Variants in EPHA3 observed in about 807,000 individuals in gnomAD.
EPHA3 encodes the protein EPH receptor A3.
In EPHA3, 42 loss-of-function variants were observed where a neutral mutation model predicts 107.1. That is an observed-to-expected ratio of 0.39 (90% CI 0.31 to 0.51). EPHA3 has a LOEUF of 0.51. Ranked by LOEUF, EPHA3 falls within the 20% of genes least tolerant of loss-of-function variation. EPHA3 has a pLI of 0.78. For synonymous variants in EPHA3, 461 were observed against 424.8 expected (o/e 1.09, Z -1.05); for missense variants, 1,183 against 1,211.2 (o/e 0.98, Z 0.35).
At chr3:89,121,881 A>C (rs1009219030) in intron 1 of EPHA3, among the ~76,000 whole-genome samples, 2 of 152,234 alleles carry the variant, frequency 1.3e-5, no homozygotes, top group Non-Finnish European at 2.9e-5. Context: ...ATATAAGTAC[A>C]TCAAAAATCT....
chr3:89,125,767 T>C (rs745760519), intron 1 of EPHA3, among the ~76,000 whole-genome samples: 1 of 151,854 alleles, frequency 6.6e-6, no homozygotes, highest in East Asian at 1.9e-4. Flanking sequence ...TTTTAAATTG[T>C]AGTGATCAAG....
At chr3:89,393,219 C>T (rs6782527) in intron 5 of EPHA3, among the ~76,000 whole-genome samples, 28,904 of 152,072 alleles carry the variant, frequency 0.19, 3,583 homozygotes, top group Non-Finnish European at 0.27. Flanking sequence ...AAGCTTCAAG[C>T]AATTGCCTCT....
chr3:89,399,586 T>G, intron 7 of EPHA3, 106 bp downstream of exon 7: 1 of 1,498,934 alleles, frequency 6.7e-7, no homozygotes, highest in South Asian at 1.3e-5. Flanking sequence ...TGTGATACAT[T>G]TAAGGTATAT....
intron 3 of EPHA3, among the ~76,000 whole-genome samples, chr3:89,312,062 A>G (rs1467661043): frequency 6.6e-6 from 1 of 152,072 alleles, no homozygotes; most frequent in Non-Finnish European, 1.5e-5. Flanking sequence ...TAGAACCTAT[A>G]TAGTTTATCA....
intron 3 of EPHA3, among the ~76,000 whole-genome samples, chr3:89,230,812 T>C (rs549200876): frequency 6.9e-6 from 1 of 145,112 alleles, no homozygotes; most frequent in South Asian, 2.1e-4. Flanking sequence ...TCTCCCTCTC[T>C]CTCTCTCTCT....
chr3:89,288,923 C>A (rs1706150211), intron 3 of EPHA3, among the ~76,000 whole-genome samples: 1 of 152,092 alleles, frequency 6.6e-6, no homozygotes, highest in Admixed American at 6.6e-5. Context: ...AAGATACTTT[C>A]AATTCATATG....
Position 89,107,682 on chromosome 3 carries a change from C to T in EPHA3, c.-67C>T, listed in dbSNP as rs1576152746. On this transcript the variant is annotated 5_prime_UTR_variant, in exon 1 of 17. Coordinates refer to ENST00000336596, the MANE Select transcript of EPHA3 (RefSeq NM_005233.6). ...GGTAACTTCTCCAGCAATCAGAGCG[C>T]TCCCCCTCACATCAGTGGCATGCTT... The T allele has an allele frequency of 4.2e-6, 6 of 1,427,136 alleles. No homozygotes were observed. The highest frequency in any genetic ancestry group is 5.9e-6 in the Non-Finnish European group (6 of 1,014,238). The allele number at this position is 1,427,136 out of a possible 1,614,324, so 88.4% of individuals were successfully genotyped here.
intron 5 of EPHA3, among the ~76,000 whole-genome samples, chr3:89,357,929 G>T (rs1286916472): frequency 6.6e-6 from 1 of 151,006 alleles, no homozygotes; most frequent in African/African-American, 2.4e-5. Flanking sequence ...TCTTATTATT[G>T]CAGATATAAG....
Position 89,450,348 on chromosome 3 carries a change from A to T in EPHA3, c.2668A>T (p.Ile890Phe), listed in dbSNP as rs749757419. The T allele has an allele frequency of 1.9e-6, 3 of 1,613,622 alleles. No homozygotes were observed. The highest frequency in any genetic ancestry group is 1.3e-5 in the African/African-American group (1 of 75,044). ...TATCCGGAATCCCGGCAGCCTGAAG[A>T]TCATCACCAGTGCAGCCGCAAGGTG... is the stretch of plus-strand genomic sequence containing the variant. The part of the protein sequence containing the change: ...KLIRNPGSLK[I>F]ITSAAARPSN... Residue 890 changes from isoleucine to phenylalanine, a missense_variant, in exon 15 of 17, where the codon ATC (isoleucine) becomes TTC (phenylalanine). Coordinates refer to ENST00000336596, the MANE Select transcript of EPHA3 (RefSeq NM_005233.6).
chr3:89,335,256 G>A (rs969168490), intron 3 of EPHA3, among the ~76,000 whole-genome samples: 7 of 152,074 alleles, frequency 4.6e-5, no homozygotes, highest in South Asian at 2.1e-4. Context: ...ACTTATTTCC[G>A]GGTTCATAGG....
At chr3:89,346,351 C>A (rs1277534178) in intron 5 of EPHA3, among the ~76,000 whole-genome samples, 1 of 138,102 alleles carries the variant, frequency 7.2e-6, no homozygotes, top group Non-Finnish European at 1.6e-5. Flanking sequence ...TTTTGATTTG[C>A]ATTTCTCTGA....
intron 2 of EPHA3, among the ~76,000 whole-genome samples, chr3:89,130,995 A>G (rs1329895130): frequency 1.3e-5 from 2 of 152,186 alleles, no homozygotes; most frequent in Non-Finnish European, 2.9e-5. Flanking sequence ...GGGAGATATG[A>G]TACTACATAT....
chr3:89,189,568 G>C (rs933032596), intron 2 of EPHA3, among the ~76,000 whole-genome samples: 1 of 152,156 alleles, frequency 6.6e-6, no homozygotes, highest in African/African-American at 2.4e-5. Context: ...ACTGCAGCCT[G>C]GTGACAGAGC....
At chr3:89,140,227 A>C (rs1397640078) in intron 2 of EPHA3, among the ~76,000 whole-genome samples, 1 of 151,874 alleles carries the variant, frequency 6.6e-6, no homozygotes, top group Non-Finnish European at 1.5e-5. Flanking sequence ...GTATTTTCAA[A>C]TGTTGCTATG....
At position 89,481,427 on chromosome 3, in the gene EPHA3, A is replaced by T. The variant is rs908406690; in HGVS notation, c.*1925A>T. ...TACCTGCTATCAGCAGCTAGAAAAC[A>T]TTTTTTTTTTAAATCAAGTATTTTG... On this transcript the variant is annotated 3_prime_UTR_variant, in exon 17 of 17. Transcript: ENST00000336596. The T allele has an allele frequency of 4.5e-6, 1 of 219,910 alleles. No homozygotes were observed. Among genetic ancestry groups the T allele is most frequent in the African/African-American group, 2.3e-5 (1 of 44,252 alleles). The allele number at this position is 219,910 out of a possible 1,614,324, so 13.6% of individuals were successfully genotyped here.
chr3:89,310,080 A>G (rs1451729261), intron 3 of EPHA3, among the ~76,000 whole-genome samples: 1 of 152,074 alleles, frequency 6.6e-6, no homozygotes, highest in Non-Finnish European at 1.5e-5. Flanking sequence ...TCTGTTCTCT[A>G]TAGAAAACAG....
intron 10 of EPHA3, among the ~76,000 whole-genome samples, chr3:89,416,073 G>T (rs1294265228): frequency 6.6e-6 from 1 of 151,370 alleles, no homozygotes; most frequent in Non-Finnish European, 1.5e-5. Flanking sequence ...TATGAAAACA[G>T]TAGAAGGAGG....
chr3:89,286,702 A>G (rs1706091811), intron 3 of EPHA3, among the ~76,000 whole-genome samples: 1 of 152,192 alleles, frequency 6.6e-6, no homozygotes, highest in Non-Finnish European at 1.5e-5. Context: ...AACAGGTTTT[A>G]GGAAGATAAC....
At chr3:89,442,738 T>A (rs1709809458) in intron 13 of EPHA3, among the ~76,000 whole-genome samples, 1 of 152,176 alleles carries the variant, frequency 6.6e-6, no homozygotes, top group Non-Finnish European at 1.5e-5. Context: ...GCAAGATGCA[T>A]GGGACAATAT....
Sources: allele counts gnomAD v4.1 joint callset (sites outside exome capture counted in the v4.1 genomes callset), GRCh38; gene constraint gnomAD v4.1.1; transcripts MANE v1.5; gene names NCBI Gene and HGNC (gene_info 2026-07-23, HGNC 2026-07-21).